NISCH: variants seen among roughly 807,000 people sequenced by gnomAD.
NISCH encodes nischarin.
Under a neutral mutation model 138.4 loss-of-function variants are expected in NISCH, and 55 were observed. That is an observed-to-expected ratio of 0.40 (90% confidence interval 0.32 to 0.50). NISCH has a LOEUF of 0.50. Among genes scored for constraint, NISCH ranks in the 20% least tolerant of loss-of-function variants. The pLI, the probability that NISCH is intolerant of heterozygous loss-of-function variation, is 0.71. For synonymous variants in NISCH, 860 were observed against 861.5 expected, an observed-to-expected ratio of 1.00 and a Z score of 0.03; for missense variants, 1,643 against 2,005.5, an observed-to-expected ratio of 0.82 and a Z score of 3.45.
intron 16 of NISCH, 30 bp downstream of exon 16, chr3:52,488,635 C>T (rs768853749): frequency 3.7e-5 from 57 of 1,550,908 alleles, no homozygotes; most frequent in Non-Finnish European, 4.8e-5. Flanking sequence ...TCAGGGGCCC[C>T]GGGGGCATGG....
In NISCH at chr3:52,488,245, A is replaced by G. The variant is rs1707461316; in HGVS notation, c.2753A>G (p.Asn918Ser). ...CTGTTGCTCACGCCCCAGCACCTCA[A>G]CGTCATCAAGGCCGACTTCAACCCC... is the stretch of plus-strand genomic sequence containing the variant. ...YWLLLTPQHL[N>S]VIKADFNPMP... Residue 918 changes from asparagine (N) to serine (S), a missense_variant, in exon 16 of 21, where the codon AAC becomes AGC. Physicochemically the swap from Asn to Ser is conservative, Grantham distance 46. Transcript: ENST00000345716. 6.2e-7 allele frequency: 1 copy of G among 1,611,044 alleles called. No homozygotes were observed. The highest frequency in any genetic ancestry group is 8.5e-7 in the Non-Finnish European group (1 of 1,179,924).
chr3:52,484,462 T>TTGGGGGCC, intron 13 of NISCH, 51 bp from the exon 14 acceptor site: 55 of 788,656 alleles, frequency 7.0e-5, no homozygotes, highest in Middle Eastern at 4.5e-4. Flanking sequence ...ACAGCCGCTC[T>TTGGGGGCC]CCCCGCCCCA....
Position 52,455,605 on chromosome 3 carries a change from G to C in NISCH, c.-37G>C, listed in dbSNP as rs747920839. ...TTGACCCCGCCCCCTGCTGCTGCTA[G>C]TCTGCGCCGGGCGGCGGTGGCGGCG... On this transcript the variant is annotated 5_prime_UTR_variant, in exon 1 of 21. Coordinates refer to ENST00000345716, the MANE Select transcript of NISCH (RefSeq NM_007184.4). 20 of 1,272,458 alleles carry C rather than the reference G, an allele frequency of 1.6e-5. No homozygotes were observed. The highest frequency in any genetic ancestry group is 3.0e-5 in the East Asian group (1 of 33,714). The allele number at this position is 1,272,458 out of a possible 1,614,324, so 78.8% of individuals were successfully genotyped here. A position where few individuals can be genotyped will look rare whatever the true frequency, so the allele number is the denominator to read the frequency against.
Position 52,488,580 on chromosome 3 carries a change from G to A in NISCH, c.3088G>A (p.Gly1030Ser). Residue 1030 changes from glycine (G) to serine (S), a missense_variant, in exon 16 of 21, where the codon GGC becomes AGC. Transcript: ENST00000345716. ...GGSPQGSFAD[G>S]QPAERRASND... ...CAGCCCCCAGGGCTCCTTTGCGGATGGCCAGCCTGCCGAGCGCAGGGCCAG... is the reference window on the plus strand; with the variant it reads ...CAGCCCCCAGGGCTCCTTTGCGGATAGCCAGCCTGCCGAGCGCAGGGCCAG... 1 of 1,611,590 alleles carries A rather than the reference G, an allele frequency of 6.2e-7. No individual in the cohort carries two copies. Among genetic ancestry groups the A allele is most frequent in the Non-Finnish European group, 8.5e-7 (1 of 1,179,154 alleles).
At chr3:52,481,530 G>A (rs1707272682) in intron 13 of NISCH, 17 of 985,366 alleles carry the variant, frequency 1.7e-5, no homozygotes, top group South Asian at 1.4e-4. Context: ...CTCCTGTAGC[G>A]CAGCCAAGCG....
intron 3 of NISCH, among the ~76,000 whole-genome samples, chr3:52,463,714 C>CTTTTTTTTTTTTT (rs71084184): frequency 4.8e-5 from 2 of 41,402 alleles, no homozygotes; most frequent in Non-Finnish European, 7.7e-5. Context: ...TATTGAACCT[C>CTTTTTTTTTTTTT]TTTTTTTTTT....
chr3:52,479,708 C>T, intron 11 of NISCH, 41 bp from the exon 12 acceptor site: 1 of 1,414,588 alleles, frequency 7.1e-7, no homozygotes, highest in Non-Finnish European at 9.9e-7. Flanking sequence ...TGATAGCCAT[C>T]ACCAGTCCCC....
Position 52,491,455 on chromosome 3 carries a change from G to A in NISCH, c.3846G>A (p.Thr1282=), listed in dbSNP as rs769257262. The change falls in exon 20 of 21, where the codon ACG becomes ACA. Residue 1282 remains threonine (T), a synonymous_variant. Coordinates refer to ENST00000345716, the MANE Select transcript of NISCH (RefSeq NM_007184.4). ...LMVVLSSLER[T]PSPEPVDKDF... The stretch of plus-strand genomic sequence containing the variant: ...TCGTGCTGTCCTCTCTGGAACGCAC[G>A]CCCTCGCCGGAGCCTGTTGACAAGG... 7.4e-6 allele frequency: 12 copies of A among 1,613,312 alleles called. No homozygotes were observed. The highest frequency in any genetic ancestry group is 2.2e-5 in the South Asian group (2 of 91,086).
chr3:52,482,886 A>G (rs539468434), intron 13 of NISCH, among the ~76,000 whole-genome samples: 8 of 152,280 alleles, frequency 5.3e-5, no homozygotes, highest in Non-Finnish European at 8.8e-5. Flanking sequence ...GGGGTTCAAG[A>G]TGACCCAGAC....
At chr3:52,474,727 C>T (rs1477283701) in intron 7 of NISCH, among the ~76,000 whole-genome samples, 3 of 152,192 alleles carry the variant, frequency 2.0e-5, no homozygotes, top group African/African-American at 2.4e-5. Flanking sequence ...CCACTTCAGC[C>T]GGCCGTCATT....
At position 52,489,384 on chromosome 3, in the gene NISCH, C is replaced by G. The variant is rs200959264; in HGVS notation, c.3162C>G (p.Ala1054=). Residue 1054 remains alanine, a synonymous_variant, in exon 17 of 21, where the codon GCC becomes GCG. Transcript: ENST00000345716. ...QEVPAEALAP[A]PAEVPAPAPA... is the part of the protein sequence containing the mutation. Reference sequence around the variant, plus strand: ...TCCCAGCAGAGGCTCTGGCCCCGGCCCCAGCGGAAGTCCCAGCTCCAGCCC... The same window carrying G: ...TCCCAGCAGAGGCTCTGGCCCCGGCGCCAGCGGAAGTCCCAGCTCCAGCCC... 23 of 1,611,400 alleles carry G rather than the reference C, an allele frequency of 1.4e-5. No individual in the cohort carries two copies. Among genetic ancestry groups the G allele is most frequent in the Non-Finnish European group, 1.8e-5 (21 of 1,178,560 alleles).
intron 16 of NISCH, among the ~76,000 whole-genome samples, chr3:52,488,862 C>T (rs1187035175): frequency 6.6e-6 from 1 of 152,186 alleles, no homozygotes; most frequent in Non-Finnish European, 1.5e-5. Context: ...CTCTTGCCAC[C>T]CATGAAGGGC....
At chr3:52,470,836 G>A in intron 3 of NISCH, 23 bp from the exon 4 acceptor site, 2 of 1,613,832 alleles carry the variant, frequency 1.2e-6, no homozygotes, top group Non-Finnish European at 1.7e-6. Flanking sequence ...ACTTTCTAAG[G>A]GCAAATTTTG....
intron 3 of NISCH, among the ~76,000 whole-genome samples, chr3:52,466,113 G>A (rs1342308697): frequency 6.6e-6 from 1 of 152,208 alleles, no homozygotes; most frequent in Admixed American, 6.5e-5. Context: ...TACTGAGGCT[G>A]TGAATTACAA....
intron 7 of NISCH, chr3:52,476,035 G>A: frequency 4.4e-6 from 1 of 227,154 alleles, no homozygotes; most frequent in Non-Finnish European, 8.9e-6. Flanking sequence ...CTACTGGGGA[G>A]GCTAAGACAG....
intron 3 of NISCH, among the ~76,000 whole-genome samples, chr3:52,463,535 C>T (rs1706693886): frequency 6.6e-6 from 1 of 152,070 alleles, no homozygotes; most frequent in African/African-American, 2.4e-5. Context: ...AATTGTTCTC[C>T]ACAGTTGTTG....
chr3:52,491,744 C>A, intron 20 of NISCH, 128 bp from the exon 21 acceptor site: 1 of 1,295,792 alleles, frequency 7.7e-7, no homozygotes, highest in Non-Finnish European at 1.1e-6. Flanking sequence ...GCCTGTGGGC[C>A]CCACACTTGG....
chr3:52,474,695 G>T (rs1438413275), intron 7 of NISCH, among the ~76,000 whole-genome samples: 1 of 152,182 alleles, frequency 6.6e-6, no homozygotes, highest in Non-Finnish European at 1.5e-5. Flanking sequence ...GCCTCCCAAA[G>T]TGCTGGGATT....
At chr3:52,484,085 TGAG>T (rs1000901710) in intron 13 of NISCH, 5 of 165,302 alleles carry the variant, frequency 3.0e-5, no homozygotes, top group African/African-American at 1.2e-4. Flanking sequence ...AGTCTGTTAA[TGAG>T]GTTTCCAACC....
Sources: gnomAD v4.1 joint callset for allele counts (sites outside exome capture counted in the v4.1 genomes callset) on GRCh38, gnomAD v4.1.1 for gene constraint, MANE v1.5 for transcripts, NCBI Gene and HGNC (gene_info 2026-07-23, HGNC 2026-07-21) for gene names.